ZNF707: variants seen among roughly 807,000 people sequenced by gnomAD.
The protein encoded by ZNF707 is zinc finger protein 707.
Under a neutral mutation model 13.3 loss-of-function variants are expected in ZNF707, and 8 were observed. The ratio of observed to expected loss-of-function variants is 0.60; its 90% confidence interval spans 0.35 to 1.09. ZNF707 has a LOEUF of 1.09. Among genes scored for constraint, ZNF707 ranks in the 50% least tolerant of loss-of-function variants. The probability of loss-of-function intolerance (pLI) is 0.02; values close to 1 mark genes in which losing one functional copy is unlikely to be tolerated. For missense variants in ZNF707, 530 were observed against 512.6 expected, an observed-to-expected ratio of 1.03 and a Z score of -0.33; for synonymous variants, 225 against 205.6, an observed-to-expected ratio of 1.09 and a Z score of -0.81.
At chr8:143,688,881 G>A (rs1816538223) in intron 1 of ZNF707, 1 of 152,294 alleles carries the variant, frequency 6.6e-6, no homozygotes, top group South Asian at 2.1e-4. Flanking sequence ...GCCTCCTAGG[G>A]TGTTAGGATT....
Position 143,694,420 on chromosome 8 carries a change from A to G in ZNF707, c.1006A>G (p.Arg336Gly). The G allele has an allele frequency of 6.2e-7, 1 of 1,612,494 alleles. No individual in the cohort carries two copies. The highest frequency in any genetic ancestry group is 8.5e-7 in the Non-Finnish European group (1 of 1,179,666). ...RWPKGFSIHR[R>G]LHLTKRFYEC... ...GCCCAAGGGCTTCAGCATCCACCGGAGGCTGCACCTGACGAAGAGGTTCTA... is the reference window on the plus strand; with the variant it reads ...GCCCAAGGGCTTCAGCATCCACCGGGGGCTGCACCTGACGAAGAGGTTCTA... Residue 336 changes from arginine to glycine, a missense_variant, in exon 6 of 6, where the codon AGG (arginine) becomes GGG (glycine). By Grantham distance (125) the Arg-to-Gly change is moderately radical. Coordinates refer to ENST00000358656, the MANE Select transcript of ZNF707 (RefSeq NM_001100598.2). The surrounding 1 kb of genome is among the most constrained non-coding windows in gnomAD (Gnocchi z 4.4).
At position 143,693,890 on chromosome 8, in the gene ZNF707, G is replaced by A. The variant is rs201250823; in HGVS notation, c.476G>A (p.Arg159Gln). ...CAGGTGCTCACGCAGCGTTGTGGGC[G>A]GCGGCCGGGCCGCAGAGAGCGCCGG... The part of the protein sequence containing the change: ...PCQVLTQRCG[R>Q]RPGRRERRKQ... Residue 159 changes from arginine to glutamine, a missense_variant, in exon 6 of 6, where the codon CGG (arginine) becomes CAG (glutamine). Arg to Gln is a conservative substitution (Grantham distance 43, BLOSUM62 1). Transcript: ENST00000358656. This position sits in a 1 kb window ranked among gnomAD's most constrained non-coding sequence, Gnocchi z 4.1. 2.2e-4 allele frequency: 354 copies of A among 1,605,762 alleles called. No homozygotes were observed. The highest frequency in any genetic ancestry group is 2.8e-4 in the Non-Finnish European group (333 of 1,175,408).
chr8:143,688,635 C>CTTTTTTTTTTTTTT (rs34379518), intron 1 of ZNF707: 1 of 88,486 alleles, frequency 1.1e-5, no homozygotes, highest in Admixed American at 1.3e-4. Flanking sequence ...TTTGTAATAT[C>CTTTTTTTTTTTTTT]TTTTTTTTTT....
rs536236613 is a variant in ZNF707 at position 143,690,100 on chromosome 8, G to A, written c.-9G>A. 3.4e-5 allele frequency: 55 copies of A among 1,608,412 alleles called. 2 individuals carry two copies. The South Asian group carries it at 4.9e-4, about 14-fold the overall frequency. On this transcript the variant is annotated 5_prime_UTR_variant, in exon 3 of 6. Transcript: ENST00000358656. The stretch of plus-strand genomic sequence containing the variant: ...TGTGCTTCCCCAGAGGGGTGGCCTC[G>A]CTGTTCCCATGGACATGGCCCAGGT...
intron 1 of ZNF707, chr8:143,688,633 A>ATT (rs1816508225): frequency 9.3e-6 from 1 of 107,174 alleles, no homozygotes; most frequent in Non-Finnish European, 2.0e-5. Context: ...TTTTTGTAAT[A>ATT]TCTTTTTTTT....
At chr8:143,691,546 C>T (rs1816809597) in intron 4 of ZNF707, 54 bp from the exon 5 acceptor site, 1 of 1,525,132 alleles carries the variant, frequency 6.6e-7, no homozygotes, top group African/African-American at 1.4e-5. Flanking sequence ...GAGCCTCGAC[C>T]CTCACTTTGT....
At chr8:143,690,925 G>T in intron 3 of ZNF707, 148 bp from the exon 4 acceptor site, 1 of 1,057,770 alleles carries the variant, frequency 9.5e-7, no homozygotes. Flanking sequence ...ACAGCCACTC[G>T]GGGCTCTGGG....
chr8:143,690,796 C>T (rs1462687010), intron 3 of ZNF707: 104 of 487,014 alleles, frequency 2.1e-4, no homozygotes, highest in Middle Eastern at 5.3e-4. Flanking sequence ...CACGCGTGTG[C>T]GGGGAGGGAG....
At chr8:143,689,829 G>A (rs561608906) in intron 2 of ZNF707, among the ~76,000 whole-genome samples, 5 of 152,316 alleles carry the variant, frequency 3.3e-5, no homozygotes, top group African/African-American at 9.6e-5. Flanking sequence ...TCTTGTTTGT[G>A]GAGGTGGCAC....
intron 1 of ZNF707, chr8:143,686,769 G>A (rs1188694647): frequency 2.6e-5 from 4 of 151,214 alleles, no homozygotes; most frequent in Admixed American, 1.3e-4. Flanking sequence ...GCCTCCCAAA[G>A]TGCTGGGATT....
At chr8:143,690,986 A>T in intron 3 of ZNF707, 87 bp from the exon 4 acceptor site, 3 of 1,531,158 alleles carry the variant, frequency 2.0e-6, no homozygotes, top group Non-Finnish European at 2.7e-6. Context: ...CCGCAGGGCC[A>T]CTCCCATTCC....
chr8:143,690,071 G>A lies in ZNF707; in HGVS notation c.-38G>A, dbSNP rs782490150. On this transcript the variant is annotated 5_prime_UTR_variant, in exon 3 of 6. Coordinates refer to ENST00000358656, the MANE Select transcript of ZNF707 (RefSeq NM_001100598.2). ...TGTCTCCCCAGATCTGCCCTCCTTG[G>A]CACTGTGCTTCCCCAGAGGGGTGGC... 2.5e-6 allele frequency: 4 copies of A among 1,609,032 alleles called. No individual in the cohort carries two copies. The South Asian group carries it at 3.3e-5, about 13-fold the overall frequency.
At chr8:143,691,989 G>A (rs980732782) in intron 5 of ZNF707, 25 of 1,456,288 alleles carry the variant, frequency 1.7e-5, no homozygotes, top group Non-Finnish European at 2.2e-5. Context: ...GACACTTGAA[G>A]CCTGCACCTA....
rs918544541 is a variant in ZNF707 at position 143,694,391 on chromosome 8, G to A, written c.977G>A (p.Arg326Gln). 6 of 1,612,128 alleles carry A rather than the reference G, an allele frequency of 3.7e-6. No homozygotes were observed. Among genetic ancestry groups the A allele is most frequent in the Non-Finnish European group, 5.1e-6 (6 of 1,179,506 alleles). ...TGTGCCGAGTGCGGCAAGTCCTTCC[G>A]GTGGCCCAAGGGCTTCAGCATCCAC... ...YTCAECGKSF[R>Q]WPKGFSIHRR... The change falls in exon 6 of 6, where the codon CGG becomes CAG. Residue 326 changes from arginine (R) to glutamine (Q), a missense_variant. Arg to Gln is a conservative substitution (Grantham distance 43, BLOSUM62 1). Coordinates refer to ENST00000358656, the MANE Select transcript of ZNF707 (RefSeq NM_001100598.2). This position sits in a 1 kb window ranked among gnomAD's most constrained non-coding sequence, Gnocchi z 4.4.
chr8:143,685,278 T>C (rs1816153358), intron 1 of ZNF707, among the ~76,000 whole-genome samples: 1 of 152,106 alleles, frequency 6.6e-6, no homozygotes, highest in African/African-American at 2.4e-5. Context: ...TAATCTCAGC[T>C]CTTGGGAGGC....
At position 143,694,104 on chromosome 8, in the gene ZNF707, G is replaced by A; in HGVS notation, c.690G>A (p.Lys230=). The part of the protein sequence containing the change: ...QRHQKNHTRE[K]PFCCEACGQA... ...ACCAGAAGAACCACACGCGCGAGAA[G>A]CCCTTCTGCTGCGAGGCCTGCGGGC... Residue 230 remains lysine (K), a synonymous_variant, in exon 6 of 6, where the codon AAG becomes AAA. Transcript: ENST00000358656. The surrounding 1 kb of genome is among the most constrained non-coding windows in gnomAD (Gnocchi z 4.4). The A allele has an allele frequency of 5.6e-6, 9 of 1,606,052 alleles. No individual in the cohort carries two copies. The highest frequency in any genetic ancestry group is 7.6e-6 in the Non-Finnish European group (9 of 1,176,966).
At position 143,693,846 on chromosome 8, in the gene ZNF707, G is replaced by A. The variant is rs1554614351; in HGVS notation, c.432G>A (p.Lys144=). The A allele has an allele frequency of 2.5e-6, 4 of 1,611,648 alleles. No homozygotes were observed. Among genetic ancestry groups the A allele is most frequent in the African/African-American group, 2.7e-5 (2 of 75,050 alleles). The change falls in exon 6 of 6, where the codon AAG becomes AAA. Residue 144 remains lysine (K), a synonymous_variant. Transcript: ENST00000358656. The surrounding 1 kb of genome is among the most constrained non-coding windows in gnomAD (Gnocchi z 4.1). The part of the protein sequence containing the change: ...PRAAPERTDA[K]PTAFPCQVLT... Reference sequence around the variant, plus strand: ...CTGCTCCAGAAAGGACAGACGCCAAGCCCACGGCTTTCCCGTGTCAGGTGC... The same window carrying A: ...CTGCTCCAGAAAGGACAGACGCCAAACCCACGGCTTTCCCGTGTCAGGTGC...
intron 3 of ZNF707, 97 bp downstream of exon 3, chr8:143,690,220 C>G: frequency 1.3e-6 from 2 of 1,485,636 alleles, no homozygotes; most frequent in Non-Finnish European, 1.8e-6. Flanking sequence ...CAGTGGCTTC[C>G]CAGGCACTGT....
At position 143,693,485 on chromosome 8, in the gene ZNF707, C is replaced by G. The variant is rs781954464; in HGVS notation, c.257-186C>G. The stretch of plus-strand genomic sequence containing the variant: ...TGTATTTTTTTTTTTTTAGTAGAGA[C>G]GGGGTTTCACCTTGTTAGCCAGGAT... On this transcript the variant is annotated intron_variant, in intron 5 of 5. Transcript: ENST00000358656. This position sits in a 1 kb window ranked among gnomAD's most constrained non-coding sequence, Gnocchi z 4.1. Among the ~76,000 whole-genome samples the G allele has an allele frequency of 6.6e-6, 1 of 150,682 alleles. No homozygotes were observed. Among genetic ancestry groups the G allele is most frequent in the Non-Finnish European group, 1.5e-5 (1 of 67,746 alleles).
Sources: gnomAD v4.1 joint callset for allele counts (sites outside exome capture counted in the v4.1 genomes callset) on GRCh38, gnomAD v4.1.1 for gene constraint, Gnocchi (gnomAD v3.1) non-coding constraint, MANE v1.5 for transcripts, NCBI Gene and HGNC (gene_info 2026-07-23, HGNC 2026-07-21) for gene names.